The following TNRC18 variants were observed in gnomAD, a reference collection of about 807,000 sequenced individuals.
TNRC18 encodes the protein trinucleotide repeat-containing gene 18 protein.
A neutral mutation model predicts 226.7 loss-of-function variants in TNRC18; 69 were observed. That is an observed-to-expected ratio of 0.30 (90% CI 0.25 to 0.37). The LOEUF (loss-of-function observed/expected upper bound fraction) is 0.37. Ranked by LOEUF, TNRC18 falls within the 10% of genes least tolerant of loss-of-function variation. The pLI is 1.00. For synonymous variants in TNRC18, 2,449 were observed against 1,927.6 expected (o/e 1.27, Z -7.09); for missense variants, 4,754 against 4,256.6 (o/e 1.12, Z -3.25).
intron 2 of TNRC18, among the ~76,000 whole-genome samples, chr7:5,417,572 T>C (rs540699112): frequency 2.0e-5 from 3 of 152,336 alleles, no homozygotes; most frequent in Non-Finnish European, 4.4e-5. Flanking sequence ...GGGCAGAGAC[T>C]TCTGTCTGTT....
chr7:5,398,948 AG>A (rs1286474901), intron 2 of TNRC18, among the ~76,000 whole-genome samples: 1 of 152,152 alleles, frequency 6.6e-6, no homozygotes, highest in East Asian at 1.9e-4. Context: ...CAATGTTCCC[AG>A]GGCCAACGCA....
chr7:5,420,659 C>T (rs773213833), intron 2 of TNRC18: 2 of 472,652 alleles, frequency 4.2e-6, no homozygotes, highest in Non-Finnish European at 4.2e-6. Context: ...CCAAAAGTAG[C>T]GTTTGCCAAG....
intron 18 of TNRC18, among the ~76,000 whole-genome samples, chr7:5,334,956 C>T (rs2128129642): frequency 6.6e-6 from 1 of 152,176 alleles, no homozygotes; most frequent in East Asian, 1.9e-4. Context: ...TCCCGCTGAC[C>T]TCAGCACCAG....
chr7:5,406,470 A>T (rs527984145), intron 2 of TNRC18, among the ~76,000 whole-genome samples: 15 of 150,698 alleles, frequency 1.0e-4, no homozygotes, highest in African/African-American at 2.4e-4. Context: ...TCAAAAAAAA[A>T]TTTTTTTTTA....
chr7:5,339,196 C>T (rs974274920), intron 18 of TNRC18, among the ~76,000 whole-genome samples: 6 of 150,030 alleles, frequency 4.0e-5, no homozygotes, highest in Non-Finnish European at 7.4e-5. Flanking sequence ...GAAACTTCAC[C>T]AACAAATGTG....
At position 5,356,896 on chromosome 7, in the gene TNRC18, G is replaced by A. The variant is rs1450615462; in HGVS notation, c.5194+20C>T. Reference sequence around the variant, plus strand: ...GGAGAGAAGCAGCGGACCAGAGGTGGCGCGGCATACGCTACTTACTGTAAG... The same window carrying A: ...GGAGAGAAGCAGCGGACCAGAGGTGACGCGGCATACGCTACTTACTGTAAG... On this transcript the variant is annotated intron_variant, in intron 16 of 29. Transcript: ENST00000430969. 1 of 1,508,912 alleles carries A rather than the reference G, an allele frequency of 6.6e-7. No individual in the cohort carries two copies. Among genetic ancestry groups the A allele is most frequent in the Non-Finnish European group, 8.9e-7 (1 of 1,124,854 alleles). The allele number at this position is 1,508,912 out of a possible 1,614,324, so 93.5% of individuals were successfully genotyped here. A position where few individuals can be genotyped will look rare whatever the true frequency, so the allele number is the denominator to read the frequency against.
intron 11 of TNRC18, among the ~76,000 whole-genome samples, chr7:5,364,728 C>T (rs1403472190): frequency 6.7e-6 from 1 of 149,432 alleles, no homozygotes; most frequent in Non-Finnish European, 1.5e-5. Context: ...CGCTTGAACC[C>T]AGGAGGCAGA....
chr7:5,335,835 GAAAAAAAAAAAA>G (rs61412615), intron 18 of TNRC18, among the ~76,000 whole-genome samples: 79,632 of 127,692 alleles, frequency 0.62, 23,314 homozygotes, highest in East Asian at 0.78. Context: ...ATATTCACTG[GAAAAAAAAAAAA>G]AAAAAAAAAA....
intron 16 of TNRC18, among the ~76,000 whole-genome samples, chr7:5,356,337 TG>T (rs1389093160): frequency 6.6e-6 from 1 of 151,988 alleles, no homozygotes; most frequent in African/African-American, 2.4e-5. Flanking sequence ...AGTAACAACA[TG>T]GGGGTACCAC....
chr7:5,389,461 G>GTTTTGGTTTTTT (rs1554297478), intron 4 of TNRC18, 125 bp from the exon 5 acceptor site: 87 of 565,548 alleles, frequency 1.5e-4, no homozygotes, highest in African/African-American at 9.8e-4. Context: ...TTTGGTTTTG[G>GTTTTGGTTTTTT]TTTTTTTTTT....
chr7:5,348,218 G>A (rs1791407334), intron 17 of TNRC18, among the ~76,000 whole-genome samples: 1 of 152,194 alleles, frequency 6.6e-6, no homozygotes, highest in South Asian at 2.1e-4. Context: ...TGGAAGGCCT[G>A]AGAGAGCAAA....
In TNRC18 at chr7:5,320,231, A is replaced by T. The variant is rs557978985; in HGVS notation, c.6745+87T>A. ...GTGAGCCCACAAGTCTTTATTCTTAAGCCAGTTAGAGTTGGGTTTTAGTAG... is the reference window on the plus strand; with the variant it reads ...GTGAGCCCACAAGTCTTTATTCTTATGCCAGTTAGAGTTGGGTTTTAGTAG... On this transcript the variant is annotated intron_variant, in intron 24 of 29. Coordinates refer to ENST00000430969, the MANE Select transcript of TNRC18 (RefSeq NM_001080495.3). The T allele has an allele frequency of 4.8e-5, 49 of 1,025,844 alleles. 3 individuals carry two copies. In the South Asian group the frequency reaches 6.7e-4, roughly 14 times the overall value. 63.5% of individuals were successfully genotyped at this position (1,025,844 alleles called of 1,614,324 possible). A position where few individuals can be genotyped will look rare whatever the true frequency, so the allele number is the denominator to read the frequency against.
In TNRC18 at chr7:5,392,398, G is replaced by A. The variant is rs551425763; in HGVS notation, c.344-1770C>T. On this transcript the variant is annotated intron_variant, in intron 3 of 29. Transcript: ENST00000430969. ...GGATCTCTTGAACTCAGGAGGCAGA[G>A]GTTGCAGTGAACCGAGATCAGCCTG... 1.5e-4 allele frequency among the ~76,000 whole-genome samples: 23 copies of A among 152,280 alleles called. No individual in the cohort carries two copies. In the East Asian group the frequency reaches 4.1e-3, roughly 27 times the overall value.
intron 5 of TNRC18, among the ~76,000 whole-genome samples, chr7:5,382,447 C>T (rs1779462495): frequency 6.6e-6 from 1 of 152,190 alleles, no homozygotes; most frequent in African/African-American, 2.4e-5. Context: ...CCATTAGGAA[C>T]CCAAGGCTCA....
chr7:5,332,655 G>A lies in TNRC18; in HGVS notation c.6114C>T (p.Ala2038=), dbSNP rs766322608. The change falls in exon 19 of 30, where the codon GCC becomes GCT. Residue 2038 remains alanine, a synonymous_variant. Coordinates refer to ENST00000430969, the MANE Select transcript of TNRC18 (RefSeq NM_001080495.3). The part of the protein sequence containing the change: ...KGGPLSPRKD[A]GRAKDRKDPR... ...GGTCCTTCCTGTCCTTTGCACGCCC[G>A]GCGTCCTTGCGCGGGCTCAGGGGGC... 37 of 1,531,754 alleles carry A rather than the reference G, an allele frequency of 2.4e-5. No individual in the cohort carries two copies. Among genetic ancestry groups the A allele is most frequent in the Non-Finnish European group, 3.2e-5 (36 of 1,141,620 alleles). 94.9% of individuals were successfully genotyped at this position (1,531,754 alleles called of 1,614,324 possible).
intron 19 of TNRC18, 122 bp from the exon 20 acceptor site, chr7:5,325,370 G>T: frequency 9.3e-7 from 1 of 1,077,152 alleles, no homozygotes; most frequent in South Asian, 1.5e-5. Flanking sequence ...CTCCCAGGAG[G>T]AACAAAACAC....
At chr7:5,392,852 G>C (rs184077767) in intron 3 of TNRC18, among the ~76,000 whole-genome samples, 10 of 151,688 alleles carry the variant, frequency 6.6e-5, no homozygotes, top group Non-Finnish European at 1.3e-4. Context: ...CACCAAAAAC[G>C]AATACAGTAG....
chr7:5,353,308 G>A (rs763952757), intron 16 of TNRC18, among the ~76,000 whole-genome samples: 15 of 152,198 alleles, frequency 9.9e-5, no homozygotes, highest in East Asian at 1.9e-4. Context: ...AGGCTGAGGC[G>A]GGCAGCTCAC....
intron 19 of TNRC18, among the ~76,000 whole-genome samples, chr7:5,327,189 TA>T (rs1789001862): frequency 6.6e-6 from 1 of 151,820 alleles, no homozygotes; most frequent in Non-Finnish European, 1.5e-5. Flanking sequence ...AGAAAAGTAA[TA>T]AATAAAGATA....
Sources: gnomAD v4.1 joint callset for allele counts (sites outside exome capture counted in the v4.1 genomes callset) on GRCh38, gnomAD v4.1.1 for gene constraint, MANE v1.5 for transcripts, NCBI Gene and HGNC (gene_info 2026-07-23, HGNC 2026-07-21) for gene names.